Variants in GALNT8 observed in about 807,000 individuals in gnomAD.
GALNT8 encodes probable polypeptide N-acetylgalactosaminyltransferase 8.
Under a neutral mutation model 62.7 loss-of-function variants are expected in GALNT8, and 66 were observed. The observed-to-expected ratio is 1.05, with a 90% CI of 0.86 to 1.29. The LOEUF (loss-of-function observed/expected upper bound fraction) is 1.29, where lower values mean the gene tolerates loss of function less well. Ranked by LOEUF, GALNT8 falls within the 50% of genes most tolerant of loss-of-function variation. The probability of loss-of-function intolerance (pLI) is 0.00; values close to 1 mark genes in which losing one functional copy is unlikely to be tolerated. For synonymous variants in GALNT8, 288 were observed against 294.3 expected, an observed-to-expected ratio of 0.98 and a Z score of 0.22; for missense variants, 771 against 791.8, an observed-to-expected ratio of 0.97 and a Z score of 0.32.
At chr12:4,723,816 C>T (rs1358186740) in intron 1 of GALNT8, among the ~76,000 whole-genome samples, 5 of 149,880 alleles carry the variant, frequency 3.3e-5, no homozygotes, top group Admixed American at 6.7e-5. Flanking sequence ...ACCCTTCATC[C>T]TGTTTGCTCA....
intron 1 of GALNT8, among the ~76,000 whole-genome samples, chr12:4,725,980 G>A (rs1403438040): frequency 1.3e-5 from 2 of 152,174 alleles, no homozygotes; most frequent in African/African-American, 4.8e-5. Flanking sequence ...TGGTGGTAGT[G>A]GTTAGGTTAG....
rs138371851 is a variant in GALNT8 at position 4,742,479 on chromosome 12, G to A, written c.677-2038G>A. Reference sequence around the variant, plus strand: ...TGTGCTAGCCACTGGGCAGGGAGGAGGATGTCAGAGAGTTCAAGTTTCCTT... The same window carrying A: ...TGTGCTAGCCACTGGGCAGGGAGGAAGATGTCAGAGAGTTCAAGTTTCCTT... On this transcript the variant is annotated intron_variant, in intron 3 of 10. Transcript: ENST00000252318. 8.0e-3 allele frequency among the ~76,000 whole-genome samples: 1,224 copies of A among 152,298 alleles called. 18 individuals carry two copies. The highest frequency in any genetic ancestry group is 0.028 in the African/African-American group (1,157 of 41,550).
intron 2 of GALNT8, among the ~76,000 whole-genome samples, chr12:4,738,287 G>A (rs967549488): frequency 1.3e-5 from 2 of 152,120 alleles, no homozygotes; most frequent in South Asian, 4.1e-4. Context: ...AATGGTCATA[G>A]ATGTAAATAT....
chr12:4,720,535 A>G lies in GALNT8; in HGVS notation c.-143A>G, dbSNP rs930315161. 6 of 644,264 alleles carry G rather than the reference A, an allele frequency of 9.3e-6. No homozygotes were observed. Among genetic ancestry groups the G allele is most frequent in the African/African-American group, 1.8e-5 (1 of 54,780 alleles). The allele number at this position is 644,264 out of a possible 1,614,324, so 39.9% of individuals were successfully genotyped here. A position where few individuals can be genotyped will look rare whatever the true frequency, so the allele number is the denominator to read the frequency against. On this transcript the variant is annotated 5_prime_UTR_variant, in exon 1 of 11. It removes an upstream start codon present in the reference 5' UTR. Transcript: ENST00000252318. ...CCTCAGAGGCCACCCGTGGCTTCCC[A>G]TGGGTGTCTCACACAGGGGAGACCA...
chr12:4,734,800 A>T (rs985651967), intron 2 of GALNT8, among the ~76,000 whole-genome samples: 3 of 152,008 alleles, frequency 2.0e-5, no homozygotes, highest in African/African-American at 4.8e-5. Context: ...TCTTGGCACT[A>T]CTACTAAGCA....
At chr12:4,722,011 C>G (rs917640385) in intron 1 of GALNT8, among the ~76,000 whole-genome samples, 5 of 148,166 alleles carry the variant, frequency 3.4e-5, no homozygotes, top group Admixed American at 3.4e-4. Flanking sequence ...TTGCATAGCC[C>G]TTAATCCATT....
chr12:4,770,634 T>C (rs960499405), intron 10 of GALNT8, among the ~76,000 whole-genome samples: 1 of 152,214 alleles, frequency 6.6e-6, no homozygotes, highest in African/African-American at 2.4e-5. Flanking sequence ...AGAAGTGTGA[T>C]CACTAGCTCC....
intron 10 of GALNT8, among the ~76,000 whole-genome samples, chr12:4,771,743 C>T (rs977889262): frequency 6.6e-5 from 10 of 151,908 alleles, no homozygotes; most frequent in African/African-American, 1.2e-4. Context: ...GAGAGAGGGC[C>T]GGGAGCAGAG....
At position 4,763,993 on chromosome 12, in the gene GALNT8, A is replaced by G. The variant is rs775656439; in HGVS notation, c.1539A>G (p.Gly513=). The change falls in exon 9 of 11, where the codon GGA becomes GGG. Residue 513 remains glycine, a synonymous_variant. Coordinates refer to ENST00000252318, the MANE Select transcript of GALNT8 (RefSeq NM_017417.2). ...LLDENVCLDQ[G]PVPGNTPIMY... ...ATGAAAATGTCTGCTTGGATCAGGG[A>G]CCCGTTCCAGGCAACACCCCCATCA... 1.9e-6 allele frequency: 3 copies of G among 1,600,132 alleles called. No homozygotes were observed. Among genetic ancestry groups the G allele is most frequent in the Admixed American group, 3.3e-5 (2 of 59,982 alleles).
rs555406646 is a variant in GALNT8 at position 4,763,748 on chromosome 12, T to C, written c.1498-204T>C. ...TGAGGTGATGGGTGTTTCCCGGATG[T>C]GGGCAGCGCAGCAGCGCCTCCCTTC... On this transcript the variant is annotated intron_variant, in intron 8 of 10. Coordinates refer to ENST00000252318, the MANE Select transcript of GALNT8 (RefSeq NM_017417.2). Among the ~76,000 whole-genome samples the C allele has an allele frequency of 1.1e-4, 16 of 152,164 alleles. No homozygotes were observed. In the South Asian group the frequency reaches 2.1e-3, roughly 20 times the overall value.
chr12:4,764,976 A>T (rs1179483113), intron 9 of GALNT8, among the ~76,000 whole-genome samples: 1 of 152,022 alleles, frequency 6.6e-6, no homozygotes, highest in African/African-American at 2.4e-5. Flanking sequence ...GAAAAAATGG[A>T]GACACATTAA....
At chr12:4,732,328 T>C (rs1946225176) in intron 2 of GALNT8, among the ~76,000 whole-genome samples, 1 of 152,288 alleles carries the variant, frequency 6.6e-6, no homozygotes, top group Admixed American at 6.5e-5. Flanking sequence ...GATGGTACAC[T>C]GTGATTCTCC....
At chr12:4,768,784 C>G (rs962415853) in intron 10 of GALNT8, among the ~76,000 whole-genome samples, 2 of 152,242 alleles carry the variant, frequency 1.3e-5, no homozygotes, top group African/African-American at 4.8e-5. Flanking sequence ...GTCTATAATT[C>G]TTTCAGATAT....
chr12:4,761,190 A>T (rs745816218), intron 7 of GALNT8, 47 bp downstream of exon 7: 3 of 1,552,200 alleles, frequency 1.9e-6, no homozygotes, highest in Non-Finnish European at 2.7e-6. Flanking sequence ...AAAGAGGAGG[A>T]GGTGGCGGTT....
intron 6 of GALNT8, among the ~76,000 whole-genome samples, chr12:4,758,171 C>A (rs1946353596): frequency 6.6e-6 from 1 of 152,096 alleles, no homozygotes; most frequent in African/African-American, 2.4e-5. Flanking sequence ...CTGCCCATAT[C>A]CAGCTTCTTG....
intron 6 of GALNT8, among the ~76,000 whole-genome samples, chr12:4,746,632 G>C (rs1169211428): frequency 1.3e-5 from 2 of 152,182 alleles, no homozygotes; most frequent in African/African-American, 2.4e-5. Context: ...CGTGACTAGG[G>C]AATGCAGACG....
At chr12:4,766,231 G>A (rs1946399533) in intron 10 of GALNT8, among the ~76,000 whole-genome samples, 1 of 152,220 alleles carries the variant, frequency 6.6e-6, no homozygotes, top group Non-Finnish European at 1.5e-5. Context: ...TGGTTAAGGA[G>A]AAGAAATATT....
intron 6 of GALNT8, among the ~76,000 whole-genome samples, chr12:4,759,077 C>G (rs1358257213): frequency 6.6e-6 from 1 of 152,250 alleles, no homozygotes; most frequent in East Asian, 1.9e-4. Flanking sequence ...CACCTGGCCT[C>G]AGCAATCTTG....
intron 10 of GALNT8, among the ~76,000 whole-genome samples, chr12:4,771,899 G>C (rs1457407340): frequency 6.6e-6 from 1 of 152,188 alleles, no homozygotes; most frequent in Admixed American, 6.5e-5. Flanking sequence ...ATTCAGCCCT[G>C]ACTTTGTAGC....
Sources: allele counts gnomAD v4.1 joint callset (sites outside exome capture counted in the v4.1 genomes callset), GRCh38; gene constraint gnomAD v4.1.1; transcripts MANE v1.5; gene names NCBI Gene and HGNC (gene_info 2026-07-23, HGNC 2026-07-21).